The following MLLT10 variants were observed in gnomAD, a reference collection of about 807,000 sequenced individuals.
MLLT10 encodes protein AF-10.
MLLT10 carries 30 observed loss-of-function variants against 129.1 expected under a neutral mutation model. That is an observed-to-expected ratio of 0.23 (90% CI 0.17 to 0.32). MLLT10 has a LOEUF of 0.32. Among genes scored for constraint, MLLT10 ranks in the 10% least tolerant of loss-of-function variants. The pLI is 1.00. For missense variants in MLLT10, 1,119 were observed against 1,268.3 expected, an observed-to-expected ratio of 0.88 and a Z score of 1.79; for synonymous variants, 490 against 446.4, an observed-to-expected ratio of 1.10 and a Z score of -1.23.
intron 9 of MLLT10, among the ~76,000 whole-genome samples, chr10:21,660,320 T>G (rs1160565538): frequency 6.7e-6 from 1 of 149,762 alleles, no homozygotes; most frequent in Non-Finnish European, 1.5e-5. Flanking sequence ...CTTTTTCTAC[T>G]ATTTTGAAGA....
chr10:21,557,331 A>T, intron 3 of MLLT10: 1 of 333,830 alleles, frequency 3.0e-6, no homozygotes, highest in Non-Finnish European at 4.6e-6. Flanking sequence ...GACTCTTAAC[A>T]TAAAAGATCC....
intron 8 of MLLT10, among the ~76,000 whole-genome samples, chr10:21,648,364 T>C (rs1018015140): frequency 6.6e-6 from 1 of 152,216 alleles, no homozygotes; most frequent in Non-Finnish European, 1.5e-5. Context: ...CTTTGTATGA[T>C]TTTTTTACAT....
rs1365705512 is a variant in MLLT10, at chr10:21,741,967, C to G, written c.3191C>G (p.Ala1064Gly). 6.2e-7 allele frequency: 1 copy of G among 1,612,104 alleles called. No homozygotes were observed. The highest frequency in any genetic ancestry group is 8.5e-7 in the Non-Finnish European group (1 of 1,179,642). The change falls in exon 23 of 23, where the codon GCT becomes GGT. Residue 1064 changes from alanine to glycine, a missense_variant. Physicochemically the swap from Ala to Gly is moderately conservative, Grantham distance 60. Coordinates refer to ENST00000307729, the MANE Select transcript of MLLT10 (RefSeq NM_001195626.3). ...CTTAGTGATAAAACTGGGCCTGTAGCTCAAGAGAAAAGTTGACACCTGAGA... is the reference window on the plus strand; with the variant it reads ...CTTAGTGATAAAACTGGGCCTGTAGGTCAAGAGAAAAGTTGACACCTGAGA... ...ARLSDKTGPV[A>G]QEKS
chr10:21,709,335 G>C (rs1285123607), intron 13 of MLLT10, among the ~76,000 whole-genome samples: 1 of 151,512 alleles, frequency 6.6e-6, no homozygotes, highest in African/African-American at 2.4e-5. Context: ...CCTCTCAAGT[G>C]ATTCTCCTGC....
chr10:21,583,509 G>A (rs1047057710), intron 3 of MLLT10, among the ~76,000 whole-genome samples: 2 of 152,112 alleles, frequency 1.3e-5, no homozygotes, highest in Non-Finnish European at 2.9e-5. Context: ...CTGAAACTGG[G>A]TAGATTATTA....
At chr10:21,628,431 C>CTTTTTTT (rs774410121) in intron 8 of MLLT10, among the ~76,000 whole-genome samples, 3 of 115,994 alleles carry the variant, frequency 2.6e-5, no homozygotes, top group Admixed American at 8.8e-5. Context: ...GATGCTCTCT[C>CTTTTTTT]TTTTTTTTTT....
intron 13 of MLLT10, among the ~76,000 whole-genome samples, chr10:21,709,198 A>AC (rs1472625067): frequency 4.8e-5 from 7 of 144,788 alleles, no homozygotes; most frequent in Non-Finnish European, 9.1e-5. Context: ...TACACTTTTC[A>AC]CCCCCAAAAT....
At chr10:21,597,452 C>T (rs1455236861) in intron 5 of MLLT10, among the ~76,000 whole-genome samples, 1 of 152,180 alleles carries the variant, frequency 6.6e-6, no homozygotes, top group Non-Finnish European at 1.5e-5. Context: ...TCACTGCAGC[C>T]TCCACCTCCT....
chr10:21,734,333 TTA>T (rs1186057644), intron 20 of MLLT10, among the ~76,000 whole-genome samples: 1 of 152,180 alleles, frequency 6.6e-6, no homozygotes, highest in Non-Finnish European at 1.5e-5. Flanking sequence ...AGTAACAGCA[TTA>T]TGTTCTGTGC....
chr10:21,577,984 C>T (rs2040970269), intron 3 of MLLT10, among the ~76,000 whole-genome samples: 1 of 152,016 alleles, frequency 6.6e-6, no homozygotes, highest in Admixed American at 6.6e-5. Flanking sequence ...CAACCTCTGC[C>T]TCCCGGGTTC....
rs781125115 is a variant in MLLT10 at position 21,741,942 on chromosome 10, C to G, written c.3166C>G (p.Leu1056Val). 6.2e-7 allele frequency: 1 copy of G among 1,611,234 alleles called. No homozygotes were observed. The highest frequency in any genetic ancestry group is 8.5e-7 in the Non-Finnish European group (1 of 1,179,272). ...GDNASQKVAR[L>V]SDKTGPVAQE... ...CTGCTCTTTTGTTTACCTGCAGAGA[C>G]TTAGTGATAAAACTGGGCCTGTAGC... Residue 1056 changes from leucine (L) to valine (V), a missense_variant, in exon 23 of 23, where the codon CTT becomes GTT. Leu to Val is a conservative substitution (Grantham distance 32, BLOSUM62 1). Coordinates refer to ENST00000307729, the MANE Select transcript of MLLT10 (RefSeq NM_001195626.3).
At chr10:21,672,416 CG>C (rs2051543164) in intron 10 of MLLT10, among the ~76,000 whole-genome samples, 6 of 152,112 alleles carry the variant, frequency 3.9e-5, no homozygotes, top group Admixed American at 3.9e-4. Context: ...TTTGTAGAGA[CG>C]GGTTCAGCCT....
intron 5 of MLLT10, among the ~76,000 whole-genome samples, chr10:21,609,391 G>C (rs1435873119): frequency 6.6e-6 from 1 of 152,186 alleles, no homozygotes; most frequent in Non-Finnish European, 1.5e-5. Flanking sequence ...GACTTTTGAG[G>C]AATTGCCCCG....
At chr10:21,667,969 A>G (rs560536384) in intron 9 of MLLT10, among the ~76,000 whole-genome samples, 4 of 152,166 alleles carry the variant, frequency 2.6e-5, no homozygotes, top group African/African-American at 7.2e-5. Flanking sequence ...CTTTTAAAAG[A>G]TTAAGTTGCC....
chr10:21,585,220 G>T lies in MLLT10; in HGVS notation c.241-1074G>T, dbSNP rs774012457. Among the ~76,000 whole-genome samples the T allele has an allele frequency of 6.6e-5, 10 of 152,030 alleles. No homozygotes were observed. The South Asian group carries it at 1.2e-3, about 19-fold the overall frequency. On this transcript the variant is annotated intron_variant, in intron 3 of 22. Transcript: ENST00000307729. The stretch of plus-strand genomic sequence containing the variant: ...ATTACAGGTGTGATCCACTGTGCCC[G>T]GCCTATATTACTATATAGTATGCTG...
intron 3 of MLLT10, among the ~76,000 whole-genome samples, chr10:21,573,215 A>AG (rs2040394023): frequency 6.6e-6 from 1 of 152,164 alleles, no homozygotes; most frequent in Non-Finnish European, 1.5e-5. Context: ...TTTCATTCTT[A>AG]GAGGAGAGCA....
chr10:21,630,233 G>C (rs767465679), intron 8 of MLLT10, among the ~76,000 whole-genome samples: 6 of 152,208 alleles, frequency 3.9e-5, no homozygotes, highest in Non-Finnish European at 7.3e-5. Context: ...ATTGAGGTGG[G>C]ATAATAGATG....
Position 21,534,336 on chromosome 10 carries a change from A to T in MLLT10, c.-185A>T. ...CCCTCCCCCCAGTGCGCCTGTGCGG[A>T]GGCCCTCTTGATTATGTGTGCCCTC... On this transcript the variant is annotated 5_prime_UTR_variant, in exon 1 of 23. Coordinates refer to ENST00000307729, the MANE Select transcript of MLLT10 (RefSeq NM_001195626.3). 1 of 290,066 alleles carries T rather than the reference A, an allele frequency of 3.4e-6. No homozygotes were observed. Among genetic ancestry groups the T allele is most frequent in the Non-Finnish European group, 6.6e-6 (1 of 152,112 alleles). 18.0% of individuals were successfully genotyped at this position (290,066 alleles called of 1,614,324 possible).
At chr10:21,583,181 A>G (rs1161488808) in intron 3 of MLLT10, among the ~76,000 whole-genome samples, 2 of 152,172 alleles carry the variant, frequency 1.3e-5, no homozygotes, top group African/African-American at 4.8e-5. Context: ...AAATAAAATA[A>G]AATAAAGTGT....
Sources: allele counts gnomAD v4.1 joint callset (sites outside exome capture counted in the v4.1 genomes callset), GRCh38; gene constraint gnomAD v4.1.1; transcripts MANE v1.5; gene names NCBI Gene and HGNC (gene_info 2026-07-23, HGNC 2026-07-21).